Variants in EEPD1 observed in about 807,000 individuals in gnomAD.
The protein encoded by EEPD1 is endonuclease/exonuclease/phosphatase family domain containing 1.
Under a neutral mutation model 46.3 loss-of-function variants are expected in EEPD1, and 17 were observed. The observed-to-expected ratio is 0.37, with a 90% CI of 0.25 to 0.55. The LOEUF is 0.55. Ranked by LOEUF, EEPD1 falls within the 20% of genes least tolerant of loss-of-function variation. The pLI, the probability that EEPD1 is intolerant of heterozygous loss-of-function variation, is 0.83. For missense variants in EEPD1, 673 were observed against 745.6 expected (o/e 0.90, Z 1.13); for synonymous variants, 313 against 315.6 (o/e 0.99, Z 0.09).
chr7:36,240,503 T>C (rs184954140), intron 3 of EEPD1, among the ~76,000 whole-genome samples: 1 of 152,290 alleles, frequency 6.6e-6, no homozygotes, highest in Non-Finnish European at 1.5e-5. Flanking sequence ...CAAAAGGGCT[T>C]TCTAAATGCC....
At chr7:36,270,821 G>A (rs1454086889) in intron 3 of EEPD1, among the ~76,000 whole-genome samples, 3 of 152,116 alleles carry the variant, frequency 2.0e-5, no homozygotes, top group Non-Finnish European at 4.4e-5. Context: ...TATATACCCA[G>A]TAATAAGATT....
chr7:36,166,173 A>G (rs558647815), intron 2 of EEPD1, among the ~76,000 whole-genome samples: 1 of 152,364 alleles, frequency 6.6e-6, no homozygotes, highest in East Asian at 1.9e-4. Context: ...GTGGTATTAC[A>G]GTATACCTTT....
At chr7:36,162,867 T>C (rs1329824601) in intron 2 of EEPD1, among the ~76,000 whole-genome samples, 1 of 152,218 alleles carries the variant, frequency 6.6e-6, no homozygotes, top group Non-Finnish European at 1.5e-5. Context: ...CGACAGTACG[T>C]TGTTCCCATT....
At chr7:36,165,757 A>C (rs910669979) in intron 2 of EEPD1, among the ~76,000 whole-genome samples, 4 of 151,988 alleles carry the variant, frequency 2.6e-5, no homozygotes, top group Non-Finnish European at 4.4e-5. Context: ...ATTTCTTAGA[A>C]CATACTCCCA....
At position 36,154,796 on chromosome 7, in the gene EEPD1, G is replaced by C. The variant is rs771285137; in HGVS notation, c.472G>C (p.Ala158Pro). 1 of 1,614,156 alleles carries C rather than the reference G, an allele frequency of 6.2e-7. No individual in the cohort carries two copies. The highest frequency in any genetic ancestry group is 1.1e-5 in the South Asian group (1 of 91,090). The change falls in exon 2 of 8, where the codon GCC becomes CCC. Residue 158 changes from alanine (A) to proline (P), a missense_variant. By Grantham distance (27) the Ala-to-Pro change is conservative. Transcript: ENST00000242108. The surrounding 1 kb of genome is among the most constrained non-coding windows in gnomAD (Gnocchi z 4.2). Reference protein sequence around the residue: ...MSVRGLSEKMALSIVDFRREH... With the variant: ...MSVRGLSEKMPLSIVDFRREH... ...CGTGCGAGGCCTCTCGGAGAAAATG[G>C]CCCTCAGCATCGTGGACTTCCGCCG...
rs1187134924 is a variant in EEPD1 at position 36,271,349 on chromosome 7, T to C, written c.931-9766T>C. ...TCATTGTGGTTTTGATTTGCATTTC[T>C]CTAATGACCAGTGATGATGAGCTTT... is the stretch of plus-strand genomic sequence containing the variant. On this transcript the variant is annotated intron_variant, in intron 3 of 7. Transcript: ENST00000242108. 1.3e-5 allele frequency among the ~76,000 whole-genome samples: 2 copies of C among 152,200 alleles called. 1 individual carries two copies. Among genetic ancestry groups the C allele is most frequent in the Middle Eastern group, 6.3e-3 (2 of 316 alleles).
At chr7:36,247,768 T>A (rs1355553485) in intron 3 of EEPD1, among the ~76,000 whole-genome samples, 3 of 152,184 alleles carry the variant, frequency 2.0e-5, no homozygotes, top group East Asian at 3.9e-4. Flanking sequence ...AATCTGAACA[T>A]CAGCCTTAGC....
At chr7:36,159,771 G>C (rs1488520190) in intron 2 of EEPD1, among the ~76,000 whole-genome samples, 2 of 152,274 alleles carry the variant, frequency 1.3e-5, no homozygotes, top group East Asian at 3.9e-4. Context: ...TAAAGGATGG[G>C]GCTTGAGGCC....
In EEPD1 at chr7:36,183,888, T is replaced by TTTTTTTTTTTTTTTTTTTTTTTTTTTG. The variant is rs3053348; in HGVS notation, c.878+28686_878+28687insTTTTTTTTTTTTTTTTTTTTTTTTTTG. ...TTCCTAGCCCTCGTTTTTTTTTTTT[T>TTTTTTTTTTTTTTTTTTTTTTTTTTTG]ATTTTTAAAAAAATGTGTGTTGTTG... On this transcript the variant is annotated intron_variant, in intron 2 of 7. Coordinates refer to ENST00000242108, the MANE Select transcript of EEPD1 (RefSeq NM_030636.3). Among the ~76,000 whole-genome samples the TTTTTTTTTTTTTTTTTTTTTTTTTTTG allele has an allele frequency of 7.8e-4, 106 of 135,424 alleles. 7 individuals are homozygous for TTTTTTTTTTTTTTTTTTTTTTTTTTTG. Among genetic ancestry groups the TTTTTTTTTTTTTTTTTTTTTTTTTTTG allele is most frequent in the Non-Finnish European group, 1.3e-3 (76 of 60,608 alleles). The allele number at this position is 135,424 out of a possible 152,430, so 88.8% of individuals were successfully genotyped here.
intron 2 of EEPD1, among the ~76,000 whole-genome samples, chr7:36,166,568 A>G (rs1004403540): frequency 1.3e-5 from 2 of 152,126 alleles, no homozygotes; most frequent in Admixed American, 6.6e-5. Context: ...AAACAAACAA[A>G]CAAACAAAAA....
rs143628120 is a variant in EEPD1 at position 36,293,686 on chromosome 7, G to A, written c.1316-3307G>A. 1.1e-3 allele frequency among the ~76,000 whole-genome samples: 167 copies of A among 152,162 alleles called. 1 individual carries two copies. The highest frequency in any genetic ancestry group is 2.4e-3 in the Admixed American group (37 of 15,290). ...TTTTAAAAAGAAAAAATGTTTAGCC[G>A]GGCGCCATGGCTCATGCCCGTAACC... On this transcript the variant is annotated intron_variant, in intron 6 of 7. Coordinates refer to ENST00000242108, the MANE Select transcript of EEPD1 (RefSeq NM_030636.3).
intron 1 of EEPD1, among the ~76,000 whole-genome samples, chr7:36,153,911 A>G (rs1490284330): frequency 6.6e-6 from 1 of 152,152 alleles, no homozygotes; most frequent in Non-Finnish European, 1.5e-5. Context: ...TCTCTTCCCA[A>G]GAGAAGCGGC....
intron 3 of EEPD1, among the ~76,000 whole-genome samples, chr7:36,268,395 A>G (rs1381067702): frequency 1.3e-5 from 2 of 152,064 alleles, no homozygotes; most frequent in Non-Finnish European, 2.9e-5. Flanking sequence ...TCCTGACCTC[A>G]TGATCCACCC....
chr7:36,285,811 G>A (rs921319825), intron 5 of EEPD1, among the ~76,000 whole-genome samples: 22 of 152,212 alleles, frequency 1.4e-4, no homozygotes, highest in Non-Finnish European at 2.6e-4. Flanking sequence ...CAGCCCCTGT[G>A]TTGAGGCTAC....
chr7:36,283,651 G>T (rs947170113), intron 4 of EEPD1, among the ~76,000 whole-genome samples: 1 of 152,140 alleles, frequency 6.6e-6, no homozygotes, highest in Non-Finnish European at 1.5e-5. Context: ...CTCTCCAGGG[G>T]GTGGGCAAGG....
At chr7:36,198,721 A>C (rs1431379881) in intron 2 of EEPD1, among the ~76,000 whole-genome samples, 1 of 152,214 alleles carries the variant, frequency 6.6e-6, no homozygotes, top group Non-Finnish European at 1.5e-5. Flanking sequence ...AATGAACCCC[A>C]TCTGTCAATA....
At chr7:36,185,922 T>C (rs890246963) in intron 2 of EEPD1, among the ~76,000 whole-genome samples, 2 of 152,228 alleles carry the variant, frequency 1.3e-5, no homozygotes, top group African/African-American at 4.8e-5. Context: ...AATATCTCTT[T>C]GCCAACTGTT....
At chr7:36,253,065 T>G (rs1276321063) in intron 3 of EEPD1, among the ~76,000 whole-genome samples, 2 of 151,910 alleles carry the variant, frequency 1.3e-5, no homozygotes, top group Non-Finnish European at 2.9e-5. Context: ...GTTATTGATT[T>G]GACATCTTCT....
intron 2 of EEPD1, among the ~76,000 whole-genome samples, chr7:36,158,082 A>C (rs773372406): frequency 2.6e-5 from 4 of 152,150 alleles, no homozygotes; most frequent in Admixed American, 6.5e-5. Context: ...TGATTTTCCT[A>C]GTAAGTCTGG....
Sources: allele counts gnomAD v4.1 joint callset (sites outside exome capture counted in the v4.1 genomes callset), GRCh38; gene constraint gnomAD v4.1.1; non-coding constraint Gnocchi (gnomAD v3.1); transcripts MANE v1.5; gene names NCBI Gene and HGNC (gene_info 2026-07-23, HGNC 2026-07-21).